NCAM2: variants seen among roughly 807,000 people sequenced by gnomAD.
The protein encoded by NCAM2 is N-CAM-2.
In NCAM2, 30 loss-of-function variants were observed where a neutral mutation model predicts 98.1. The observed-to-expected ratio is 0.31, with a 90% CI of 0.23 to 0.41. The LOEUF (loss-of-function observed/expected upper bound fraction) is 0.41. NCAM2 is among the 10% of genes least tolerant of loss of function. The pLI is 1.00. For missense variants in NCAM2, 867 were observed against 1,005.8 expected (o/e 0.86, Z 1.87); for synonymous variants, 368 against 342.4 (o/e 1.07, Z -0.83).
At chr21:21,276,684 T>C (rs1465399397) in intron 1 of NCAM2, among the ~76,000 whole-genome samples, 3 of 152,136 alleles carry the variant, frequency 2.0e-5, no homozygotes, top group Non-Finnish European at 4.4e-5. Flanking sequence ...ATTTTAGTTA[T>C]GTAGGATTTA....
At chr21:21,251,961 T>C (rs2071491298) in intron 1 of NCAM2, among the ~76,000 whole-genome samples, 1 of 152,164 alleles carries the variant, frequency 6.6e-6, no homozygotes, top group Non-Finnish European at 1.5e-5. Flanking sequence ...GTTTTAATCA[T>C]GAAGTCATTG....
intron 1 of NCAM2, among the ~76,000 whole-genome samples, chr21:21,077,430 G>T (rs533638290): frequency 6.6e-6 from 1 of 152,206 alleles, no homozygotes; most frequent in African/African-American, 2.4e-5. Context: ...ACTGGTCATT[G>T]TACAGAAATA....
chr21:21,087,469 A>T (rs946156863), intron 1 of NCAM2, among the ~76,000 whole-genome samples: 2 of 152,160 alleles, frequency 1.3e-5, no homozygotes, highest in African/African-American at 4.8e-5. Context: ...CTGGGTTCTG[A>T]TAACCTGTTC....
chr21:21,268,139 G>C (rs1601821209), intron 1 of NCAM2, among the ~76,000 whole-genome samples: 1 of 152,162 alleles, frequency 6.6e-6, no homozygotes, highest in East Asian at 1.9e-4. Context: ...TCTAAGTCAA[G>C]GGGCTCCCTC....
intron 5 of NCAM2, among the ~76,000 whole-genome samples, chr21:21,317,351 A>G (rs923988614): frequency 6.6e-6 from 1 of 152,086 alleles, no homozygotes; most frequent in African/African-American, 2.4e-5. Flanking sequence ...TTTTTCCTTG[A>G]TGAGTCCTGA....
chr21:21,186,415 T>C (rs2068642449), intron 1 of NCAM2, among the ~76,000 whole-genome samples: 1 of 152,144 alleles, frequency 6.6e-6, no homozygotes, highest in Non-Finnish European at 1.5e-5. Flanking sequence ...TTCTATGGCA[T>C]CTAATTAAAT....
At chr21:21,349,019 G>C (rs232380) in intron 8 of NCAM2, among the ~76,000 whole-genome samples, 68,851 of 151,848 alleles carry the variant, frequency 0.45, 15,728 homozygotes, top group East Asian at 0.58. Flanking sequence ...CCAGGACATT[G>C]ACCTGGGCAT....
intron 1 of NCAM2, among the ~76,000 whole-genome samples, chr21:21,036,614 G>C (rs2064803151): frequency 6.6e-6 from 1 of 152,158 alleles, no homozygotes; most frequent in African/African-American, 2.4e-5. Context: ...AGTTCGTTGG[G>C]GAAAGTGTAG....
At chr21:21,453,959 G>A (rs549657154) in intron 12 of NCAM2, among the ~76,000 whole-genome samples, 34 of 152,050 alleles carry the variant, frequency 2.2e-4, no homozygotes, top group African/African-American at 7.0e-4. Context: ...ATAGTTCAGC[G>A]TCCTATGAAT....
chr21:21,148,372 A>G (rs2067349221), intron 1 of NCAM2, among the ~76,000 whole-genome samples: 2 of 152,174 alleles, frequency 1.3e-5, no homozygotes, highest in Non-Finnish European at 1.5e-5. Context: ...AAATGCAAAT[A>G]ACTGGTGATA....
At chr21:21,234,974 A>G (rs1318679583) in intron 1 of NCAM2, among the ~76,000 whole-genome samples, 1 of 152,076 alleles carries the variant, frequency 6.6e-6, no homozygotes, top group Admixed American at 6.6e-5. Flanking sequence ...TAATGGCATA[A>G]TGTCTGCTAT....
chr21:21,529,562 T>G (rs984543248), intron 16 of NCAM2, among the ~76,000 whole-genome samples: 5 of 152,012 alleles, frequency 3.3e-5, no homozygotes, highest in African/African-American at 1.2e-4. Context: ...AGTATACCCT[T>G]TTACTCTTCC....
rs764860684 is a variant in NCAM2, at chr21:21,338,477, T to C, written c.987T>C (p.Ile329=). 12 of 1,612,778 alleles carry C rather than the reference T, an allele frequency of 7.4e-6. No individual in the cohort carries two copies. Among genetic ancestry groups the C allele is most frequent in the Non-Finnish European group, 1.0e-5 (12 of 1,179,418 alleles). Residue 329 remains isoleucine, a synonymous_variant, in exon 8 of 18, where the codon ATT becomes ATC. Transcript: ENST00000400546. ...TLVCDAEGEP[I]PEITWKRAVD... ...TATGTGATGCGGAAGGGGAGCCTAT[T>C]CCAGAAATCACTTGGAAAAGAGCTG...
chr21:21,446,978 G>A (rs111443342), intron 12 of NCAM2, among the ~76,000 whole-genome samples: 4 of 152,028 alleles, frequency 2.6e-5, no homozygotes, highest in African/African-American at 7.2e-5. Context: ...CATACTGCCC[G>A]AAGTAATTTC....
chr21:21,418,444 T>C, intron 10 of NCAM2, 29 bp from the exon 11 acceptor site: 1 of 1,512,496 alleles, frequency 6.6e-7, no homozygotes, highest in Non-Finnish European at 9.2e-7. Flanking sequence ...GTTTTAGAAT[T>C]GTAACATTTG....
At chr21:21,445,427 T>C (rs1291215696) in intron 12 of NCAM2, among the ~76,000 whole-genome samples, 1 of 152,060 alleles carries the variant, frequency 6.6e-6, no homozygotes, top group Non-Finnish European at 1.5e-5. Flanking sequence ...AATATTGTCA[T>C]TGGGGTGTTA....
At chr21:21,491,378 C>T (rs763221981) in intron 15 of NCAM2, among the ~76,000 whole-genome samples, 8 of 151,658 alleles carry the variant, frequency 5.3e-5, no homozygotes, top group Non-Finnish European at 7.4e-5. Context: ...AATATAAACA[C>T]GTAAAGTGAT....
intron 9 of NCAM2, among the ~76,000 whole-genome samples, chr21:21,383,733 ATATATTTGG>A (rs1157133667): frequency 6.6e-6 from 1 of 152,178 alleles, no homozygotes; most frequent in Admixed American, 6.5e-5. Flanking sequence ...TAAAGCATTA[ATATATTTGG>A]TATGTCTAGT....
intron 1 of NCAM2, among the ~76,000 whole-genome samples, chr21:21,004,099 G>C (rs1057165081): frequency 1.3e-5 from 2 of 152,038 alleles, no homozygotes; most frequent in African/African-American, 4.8e-5. Flanking sequence ...TTAGTTACTA[G>C]AGCTCCAGTC....
Sources: allele counts gnomAD v4.1 joint callset (sites outside exome capture counted in the v4.1 genomes callset), GRCh38; gene constraint gnomAD v4.1.1; transcripts MANE v1.5; gene names NCBI Gene and HGNC (gene_info 2026-07-23, HGNC 2026-07-21).